Variants in CFAP46 observed in about 807,000 individuals in gnomAD.
CFAP46 encodes the protein cilia- and flagella-associated protein 46.
CFAP46 carries 245 observed loss-of-function variants against 325.7 expected under a neutral mutation model. The ratio of observed to expected loss-of-function variants is 0.75; its 90% confidence interval spans 0.68 to 0.84. The LOEUF (loss-of-function observed/expected upper bound fraction) is 0.84. Ranked by LOEUF, CFAP46 falls within the 40% of genes least tolerant of loss-of-function variation. The pLI is 0.00. For missense variants in CFAP46, 3,346 were observed against 3,543.0 expected (o/e 0.94, Z 1.41); for synonymous variants, 1,523 against 1,495.9 (o/e 1.02, Z -0.42).
chr10:132,815,030 A>C, intron 50 of CFAP46, 116 bp from the exon 51 acceptor site: 1 of 940,856 alleles, frequency 1.1e-6, no homozygotes, highest in Non-Finnish European at 1.7e-6. Context: ...AAAAAAAACA[A>C]GTTGTGAGAA....
chr10:132,877,740 GAA>G lies in CFAP46; in HGVS notation c.4212+139_4212+140del. On this transcript the variant is annotated intron_variant, in intron 30 of 57. Transcript: ENST00000368586. The surrounding 1 kb of genome is among the most constrained non-coding windows in gnomAD (Gnocchi z 5.7). ...TCCTCCGAGAACCCTGACAGGCAGG[GAA>G]ACTGAGGCACAGGCCATCCCGGGCC... 1 of 856,116 alleles carries G rather than the reference GAA, an allele frequency of 1.2e-6. No individual in the cohort carries two copies. Among genetic ancestry groups the G allele is most frequent in the Non-Finnish European group, 1.8e-6 (1 of 559,096 alleles). The allele number at this position is 856,116 out of a possible 1,614,324, so 53.0% of individuals were successfully genotyped here. A position where few individuals can be genotyped will look rare whatever the true frequency, so the allele number is the denominator to read the frequency against.
intron 39 of CFAP46, among the ~76,000 whole-genome samples, chr10:132,855,857 T>C (rs1848634361): frequency 6.6e-6 from 1 of 152,216 alleles, no homozygotes; most frequent in Non-Finnish European, 1.5e-5. Context: ...AAGCAGCCAA[T>C]TATCTTTTAG....
At position 132,812,401 on chromosome 10, in the gene CFAP46, C is replaced by T. The variant is rs61479540; in HGVS notation, c.7501+384G>A. 2.4e-3 allele frequency among the ~76,000 whole-genome samples: 359 copies of T among 152,314 alleles called. 2 individuals are homozygous for T. The highest frequency in any genetic ancestry group is 8.2e-3 in the African/African-American group (340 of 41,578). On this transcript the variant is annotated intron_variant, in intron 55 of 57. Coordinates refer to ENST00000368586, the MANE Select transcript of CFAP46 (RefSeq NM_001200049.3). ...GAGGTCCCGAGTGCCCACGATTAAACTAGAGGCCCTGAGGGAGGGGCCGTG... is the reference window on the plus strand; with the variant it reads ...GAGGTCCCGAGTGCCCACGATTAAATTAGAGGCCCTGAGGGAGGGGCCGTG...
chr10:132,919,331 C>T lies in CFAP46; in HGVS notation c.1842G>A (p.Lys614=), dbSNP rs1324416943. The change falls in exon 15 of 58, where the codon AAG becomes AAA. Residue 614 remains lysine (K), a synonymous_variant. Coordinates refer to ENST00000368586, the MANE Select transcript of CFAP46 (RefSeq NM_001200049.3). This position sits in a 1 kb window ranked among gnomAD's most constrained non-coding sequence, Gnocchi z 9.7. ...CLLYDNVKVK[K]LRLRRGKKKR... ...GGTACGAACCTCGCCGCAGCCTCAACTTCTTCACCTTGACGTTGTCATACA... is the reference window on the plus strand; with the variant it reads ...GGTACGAACCTCGCCGCAGCCTCAATTTCTTCACCTTGACGTTGTCATACA... 1.3e-6 allele frequency: 2 copies of T among 1,549,988 alleles called. No homozygotes were observed. Among genetic ancestry groups the T allele is most frequent in the African/African-American group, 1.4e-5 (1 of 73,058 alleles).
In CFAP46 at chr10:132,912,502, TCTCTC is replaced by T. The variant is rs1405638689; in HGVS notation, c.2499+148_2499+152del. ...ACATCTCTCTCTCCTCTTTCACCTC[TCTCTC>T]CTCTCCTCTCTCTCTCTTCACCTCT... On this transcript the variant is annotated intron_variant, in intron 19 of 57. Transcript: ENST00000368586. Among the ~76,000 whole-genome samples the T allele has an allele frequency of 1.6e-4, 20 of 126,600 alleles. No homozygotes were observed. The East Asian group carries it at 2.4e-3, about 15-fold the overall frequency. The allele number at this position is 126,600 out of a possible 152,430, so 83.1% of individuals were successfully genotyped here. A position where few individuals can be genotyped will look rare whatever the true frequency, so the allele number is the denominator to read the frequency against.
chr10:132,905,940 T>A (rs991598667), intron 22 of CFAP46, among the ~76,000 whole-genome samples: 8 of 152,032 alleles, frequency 5.3e-5, no homozygotes, highest in African/African-American at 1.9e-4. Flanking sequence ...AGGAGGTGAG[T>A]TTTCCTTTTG....
At chr10:132,823,984 G>C (rs564395359) in intron 50 of CFAP46, among the ~76,000 whole-genome samples, 1 of 113,008 alleles carries the variant, frequency 8.8e-6, no homozygotes, top group Non-Finnish European at 1.8e-5. Flanking sequence ...TGTGTGCTGT[G>C]TGTGCTGCTT....
intron 50 of CFAP46, among the ~76,000 whole-genome samples, chr10:132,823,757 T>G (rs1847952824): frequency 8.7e-6 from 1 of 114,510 alleles, no homozygotes; most frequent in Non-Finnish European, 2.0e-5. Flanking sequence ...TGATGTGTGC[T>G]GTGTGTGTGC....
rs528278225 is a variant in CFAP46, at chr10:132,827,087, G to A, written c.7117+6271C>T. On this transcript the variant is annotated intron_variant, in intron 50 of 57. Coordinates refer to ENST00000368586, the MANE Select transcript of CFAP46 (RefSeq NM_001200049.3). This position sits in a 1 kb window ranked among gnomAD's most constrained non-coding sequence, Gnocchi z 5.7. ...GTCTGTGCCAACCGACTCCAGCTCC[G>A]GGCTCCCTGCCTCTCCACCCGGCAC... 9.2e-5 allele frequency among the ~76,000 whole-genome samples: 14 copies of A among 152,220 alleles called. No individual in the cohort carries two copies. The highest frequency in any genetic ancestry group is 4.2e-4 in the South Asian group (2 of 4,816).
chr10:132,903,805 G>C (rs1477394280), intron 22 of CFAP46, among the ~76,000 whole-genome samples: 1 of 152,124 alleles, frequency 6.6e-6, no homozygotes, highest in African/African-American at 2.4e-5. Context: ...CACTGTTGGT[G>C]ATTACGTTAA....
intron 31 of CFAP46, 55 bp from the exon 32 acceptor site, chr10:132,872,879 G>T: frequency 6.5e-7 from 1 of 1,539,702 alleles, no homozygotes; most frequent in Non-Finnish European, 8.8e-7. Flanking sequence ...TAGACCACAA[G>T]CATAAGGGTC....
At chr10:132,935,079 T>C (rs906041138) in intron 7 of CFAP46, among the ~76,000 whole-genome samples, 3 of 152,200 alleles carry the variant, frequency 2.0e-5, no homozygotes, top group African/African-American at 7.2e-5. Context: ...AAGGCTGGAA[T>C]AGAAACACTC....
At chr10:132,904,977 C>T (rs1025191825) in intron 22 of CFAP46, among the ~76,000 whole-genome samples, 3 of 152,156 alleles carry the variant, frequency 2.0e-5, no homozygotes, top group African/African-American at 4.8e-5. Context: ...GCACCTACGA[C>T]GTCACGCCAG....
intron 26 of CFAP46, 74 bp from the exon 27 acceptor site, chr10:132,885,360 G>A: frequency 7.3e-7 from 1 of 1,375,604 alleles, no homozygotes; most frequent in Non-Finnish European, 9.8e-7. Flanking sequence ...ATGCAGCCCG[G>A]ACTTATTCCT....
rs1026005875 is a variant in CFAP46, at chr10:132,909,222, G to A, written c.2672C>T (p.Ser891Leu). 28 of 1,550,242 alleles carry A rather than the reference G, an allele frequency of 1.8e-5. No homozygotes were observed. Among genetic ancestry groups the A allele is most frequent in the African/African-American group, 9.6e-5 (7 of 73,050 alleles). ...EEQGTNEDVS[S>L]VTRVLVALEM... The stretch of plus-strand genomic sequence containing the variant: ...CAAGGCAACGAGGACTCTGGTCACC[G>A]AGCTGACATCCTCATTGGTGCCCTG... The change falls in exon 21 of 58, where the codon TCG becomes TTG. Residue 891 changes from serine (S) to leucine (L), a missense_variant. Physicochemically the swap from Ser to Leu is moderately radical, Grantham distance 145. Transcript: ENST00000368586.
intron 17 of CFAP46, 103 bp downstream of exon 17, chr10:132,916,446 T>C (rs1391652469): frequency 6.1e-6 from 8 of 1,303,796 alleles, no homozygotes; most frequent in Non-Finnish European, 8.1e-6. Context: ...GCCGGTGTCC[T>C]TACGAATGCA....
At chr10:132,859,271 CT>C in intron 37 of CFAP46, 24 bp from the exon 38 acceptor site, 1 of 1,538,784 alleles carries the variant, frequency 6.5e-7, no homozygotes, top group Non-Finnish European at 8.7e-7. Flanking sequence ...GGTTTGGGGC[CT>C]GGAGTCAGAA....
rs1406876641 is a variant in CFAP46, at chr10:132,814,268, A to G, written c.7286-14T>C. 7.5e-6 allele frequency: 12 copies of G among 1,599,230 alleles called. No homozygotes were observed. Among genetic ancestry groups the G allele is most frequent in the Non-Finnish European group, 9.4e-6 (11 of 1,167,182 alleles). Reference sequence around the variant, plus strand: ...GAGTTAGCATTTCTGCAAGGAGAACAGGGTGGATACAGACCACGGTGTTTC... The same window carrying G: ...GAGTTAGCATTTCTGCAAGGAGAACGGGGTGGATACAGACCACGGTGTTTC... On this transcript the variant is annotated splice_polypyrimidine_tract_variant and intron_variant, in intron 53 of 57. Transcript: ENST00000368586.
Position 132,877,003 on chromosome 10 carries a change from G to A in CFAP46, c.4213-42C>T, listed in dbSNP as rs141464952. ...ACAGGATTTACCTGAAACGGTGGAGGTGAAACAGCAGACACCCCCGGCCCA... is the reference window on the plus strand; with the variant it reads ...ACAGGATTTACCTGAAACGGTGGAGATGAAACAGCAGACACCCCCGGCCCA... On this transcript the variant is annotated intron_variant, in intron 30 of 57. Transcript: ENST00000368586. The surrounding 1 kb of genome is among the most constrained non-coding windows in gnomAD (Gnocchi z 5.7). 5.9e-5 allele frequency: 90 copies of A among 1,536,632 alleles called. No homozygotes were observed. Among genetic ancestry groups the A allele is most frequent in the Non-Finnish European group, 7.6e-5 (87 of 1,139,068 alleles).
Sources: allele counts gnomAD v4.1 joint callset (sites outside exome capture counted in the v4.1 genomes callset), GRCh38; gene constraint gnomAD v4.1.1; non-coding constraint Gnocchi (gnomAD v3.1); transcripts MANE v1.5; gene names NCBI Gene and HGNC (gene_info 2026-07-23, HGNC 2026-07-21).